POLR2F: variants seen among roughly 807,000 people sequenced by gnomAD.
The protein encoded by POLR2F is RNA polymerase II, I and III subunit F.
In POLR2F, 12 loss-of-function variants were observed where a neutral mutation model predicts 22.7. That is an observed-to-expected ratio of 0.53 (90% confidence interval 0.34 to 0.86). POLR2F has a LOEUF of 0.86. Ranked by LOEUF, POLR2F falls within the 40% of genes least tolerant of loss-of-function variation. The probability of loss-of-function intolerance (pLI) is 0.02; values close to 1 mark genes in which losing one functional copy is unlikely to be tolerated. For missense variants in POLR2F, 126 were observed against 171.5 expected, an observed-to-expected ratio of 0.73 and a Z score of 1.48; for synonymous variants, 57 against 66.0, an observed-to-expected ratio of 0.86 and a Z score of 0.66.
At chr22:37,989,273 A>G (rs1330517538) in intron 1 of POLR2F, among the ~76,000 whole-genome samples, 3 of 152,210 alleles carry the variant, frequency 2.0e-5, no homozygotes, top group Non-Finnish European at 4.4e-5. Context: ...TTAAATAAGA[A>G]TACACACACA....
At chr22:37,988,675 A>G (rs1435564597) in intron 1 of POLR2F, 1 of 154,250 alleles carries the variant, frequency 6.5e-6, no homozygotes, top group Non-Finnish European at 1.5e-5. Context: ...CAACAACAAC[A>G]AAAAAACATA....
chr22:37,979,394 G>A (rs956091942), intron 4 of POLR2F, among the ~76,000 whole-genome samples: 9 of 152,174 alleles, frequency 5.9e-5, no homozygotes, highest in Non-Finnish European at 1.2e-4. Flanking sequence ...CACCGTGCCC[G>A]GCCCCAAGAG....
In POLR2F at chr22:37,986,452, A is replaced by G. The variant is rs936359164; in HGVS notation, c.120+140A>G. ...TTGTGGAAGGAAAGAGCCCAGAGTT[A>G]GGAGGTGGAATGTGGGGTCCCACAG... On this transcript the variant is annotated intron_variant, in intron 1 of 2. Coordinates refer to the POLR2F transcript ENST00000333418. The surrounding 1 kb of genome is among the most constrained non-coding windows in gnomAD (Gnocchi z 4.7). 6 of 1,517,728 alleles carry G rather than the reference A, an allele frequency of 4.0e-6. No individual in the cohort carries two copies. The highest frequency in any genetic ancestry group is 5.3e-6 in the Non-Finnish European group (6 of 1,131,888). 94.0% of individuals were successfully genotyped at this position (1,517,728 alleles called of 1,614,324 possible).
At chr22:38,038,954 G>C (rs1486615839) in intron 5 of POLR2F, among the ~76,000 whole-genome samples, 1 of 152,132 alleles carries the variant, frequency 6.6e-6, no homozygotes, top group Non-Finnish European at 1.5e-5. Flanking sequence ...GGGGCGGCTG[G>C]GGCTCCACAG....
chr22:38,023,747 A>G (rs1361795847), intron 1 of POLR2F, among the ~76,000 whole-genome samples: 1 of 151,436 alleles, frequency 6.6e-6, no homozygotes, highest in African/African-American at 2.4e-5. Context: ...ATCTTGGCTC[A>G]CTGCAACCTC....
intron 1 of POLR2F, among the ~76,000 whole-genome samples, chr22:38,004,423 A>G (rs1601902251): frequency 6.6e-6 from 1 of 152,018 alleles, no homozygotes; most frequent in Admixed American, 6.6e-5. Context: ...TGGTAATAAC[A>G]CCCTTGCCAC....
chr22:37,977,739 A>C, intron 4 of POLR2F: 1 of 1,033,710 alleles, frequency 9.7e-7, no homozygotes, highest in Non-Finnish European at 1.4e-6. Context: ...GGGCCCCTGC[A>C]GCTCTGCTGG....
chr22:38,024,755 G>T (rs2084992319), intron 1 of POLR2F, among the ~76,000 whole-genome samples: 2 of 152,130 alleles, frequency 1.3e-5, no homozygotes, highest in African/African-American at 4.8e-5. Flanking sequence ...CGAAGTGCAG[G>T]GAACCAAGGA....
At chr22:37,976,618 A>G (rs1406550600) in intron 4 of POLR2F, among the ~76,000 whole-genome samples, 1 of 152,224 alleles carries the variant, frequency 6.6e-6, no homozygotes, top group Admixed American at 6.5e-5. Context: ...TGCCAAGCAG[A>G]TGCCCGGGAG....
chr22:37,979,056 C>A (rs1387025521), intron 4 of POLR2F, among the ~76,000 whole-genome samples: 3 of 151,918 alleles, frequency 2.0e-5, no homozygotes, highest in African/African-American at 7.3e-5. Flanking sequence ...GGATTACAGG[C>A]ATGAGCCATT....
At position 37,980,200 on chromosome 22, in the gene POLR2F, A is replaced by T. The variant is rs751308456; in HGVS notation, c.293+13030A>T. Among the ~76,000 whole-genome samples the T allele has an allele frequency of 1.1e-3, 163 of 152,006 alleles. 3 individuals are homozygous for T. Among genetic ancestry groups the T allele is most frequent in the Non-Finnish European group, 3.5e-4 (24 of 67,982 alleles). ...GAGTGGGATGTGGGCACCCTCTCTG[A>T]CGGCTGGGACCAGGGGAGGGGGTGG... On this transcript the variant is annotated intron_variant, in intron 4 of 4. Coordinates refer to the POLR2F transcript ENST00000405557. The surrounding 1 kb of genome is among the most constrained non-coding windows in gnomAD (Gnocchi z 4.1).
chr22:38,004,946 AAAAAC>A (rs150299865), intron 1 of POLR2F, among the ~76,000 whole-genome samples: 16 of 152,230 alleles, frequency 1.1e-4, no homozygotes, highest in African/African-American at 2.6e-4. Flanking sequence ...CTCCGTCTCA[AAAAAC>A]AAAACAAAAC....
intron 3 of POLR2F, among the ~76,000 whole-genome samples, chr22:37,960,556 C>T (rs1931592305): frequency 6.6e-6 from 1 of 152,154 alleles, no homozygotes; most frequent in Non-Finnish European, 1.5e-5. Context: ...CGCCACCGTG[C>T]CCAGCTAGCT....
intron 5 of POLR2F, chr22:38,032,144 C>G (rs1399284323): frequency 6.6e-6 from 1 of 152,228 alleles, no homozygotes; most frequent in Non-Finnish European, 1.5e-5. Context: ...AGCCTAGGCA[C>G]AAGCCACCAC....
chr22:37,995,975 T>A (rs2084709953), intron 1 of POLR2F, among the ~76,000 whole-genome samples: 1 of 152,122 alleles, frequency 6.6e-6, no homozygotes, highest in African/African-American at 2.4e-5. Flanking sequence ...CACTCTATCC[T>A]GGGCAACAGG....
chr22:38,041,281 C>T, downstream of POLR2F: 8 of 903,590 alleles, frequency 8.9e-6, 1 homozygote, highest in South Asian at 9.9e-5. Context: ...TTCCAGGACA[C>T]CCCTCAGTTT....
chr22:38,039,822 C>T (rs1383467728), intron 5 of POLR2F, among the ~76,000 whole-genome samples: 1 of 152,176 alleles, frequency 6.6e-6, no homozygotes, highest in Non-Finnish European at 1.5e-5. Context: ...TGGCGGCCCT[C>T]AAGGAAGACA....
downstream of POLR2F, among the ~76,000 whole-genome samples, chr22:37,971,554 G>T (rs1296578083): frequency 6.6e-6 from 1 of 152,174 alleles, no homozygotes; most frequent in Non-Finnish European, 1.5e-5. Flanking sequence ...AGCTCTTAGG[G>T]AGTAGGCGCT....
At chr22:38,012,684 C>T (rs2084881736) in intron 1 of POLR2F, among the ~76,000 whole-genome samples, 1 of 152,168 alleles carries the variant, frequency 6.6e-6, no homozygotes, top group African/African-American at 2.4e-5. Flanking sequence ...TAACTGTTGA[C>T]AGTTTCTCTA....
Sources: gnomAD v4.1 joint callset for allele counts (sites outside exome capture counted in the v4.1 genomes callset) on GRCh38, gnomAD v4.1.1 for gene constraint, Gnocchi (gnomAD v3.1) non-coding constraint, MANE v1.5 for transcripts, NCBI Gene and HGNC (gene_info 2026-07-23, HGNC 2026-07-21) for gene names.